Variants in LRRFIP1 observed in about 807,000 individuals in gnomAD.
LRRFIP1 encodes LRR binding FLII interacting protein 1.
Under a neutral mutation model 104.4 loss-of-function variants are expected in LRRFIP1, and 62 were observed. The observed-to-expected ratio is 0.59, with a 90% CI of 0.48 to 0.73. LRRFIP1 has a LOEUF of 0.73. Among genes scored for constraint, LRRFIP1 ranks in the 30% least tolerant of loss-of-function variants. The pLI, the probability that LRRFIP1 is intolerant of heterozygous loss-of-function variation, is 0.00. For missense variants in LRRFIP1, 796 were observed against 824.5 expected (o/e 0.97, Z 0.42); for synonymous variants, 300 against 299.0 (o/e 1.00, Z -0.03).
At position 237,763,816 on chromosome 2, in the gene LRRFIP1, A is replaced by C. The variant is rs200137214; in HGVS notation, c.1459+3611A>C. 6.4e-5 allele frequency: 103 copies of C among 1,614,190 alleles called. 1 individual carries two copies. The Middle Eastern group carries it at 1.3e-3, about 21-fold the overall frequency. ...GTGAAGAATTAGATGAAGGTGTTGCAAAAGATAATGCTAAAATAGATGGTG... is the reference window on the plus strand; with the variant it reads ...GTGAAGAATTAGATGAAGGTGTTGCCAAAGATAATGCTAAAATAGATGGTG... On this transcript the variant is annotated intron_variant, in intron 19 of 23. Transcript: ENST00000308482.
At chr2:237,714,038 C>T (rs2094221852) in intron 2 of LRRFIP1, among the ~76,000 whole-genome samples, 1 of 152,182 alleles carries the variant, frequency 6.6e-6, no homozygotes, top group Non-Finnish European at 1.5e-5. Context: ...ATTCGTGTGG[C>T]TATGCCCCTA....
intron 1 of LRRFIP1, among the ~76,000 whole-genome samples, chr2:237,668,047 T>C (rs2089747943): frequency 6.6e-6 from 1 of 151,938 alleles, no homozygotes; most frequent in African/African-American, 2.4e-5. Context: ...GACACCCCCC[T>C]TTCCCCAACA....
chr2:237,708,939 G>T lies in LRRFIP1; in HGVS notation c.183+309G>T, dbSNP rs57147904. On this transcript the variant is annotated intron_variant, in intron 2 of 23. Coordinates refer to ENST00000308482, the MANE Select transcript of LRRFIP1 (RefSeq NM_001137550.2). ...GTCTGAGCTTTAAGGTCTAACTGTT[G>T]TACTAGAATCTAGATCCTCTGGATT... Among the ~76,000 whole-genome samples the T allele has an allele frequency of 4.6e-5, 7 of 152,358 alleles. No homozygotes were observed. The South Asian group carries it at 1.4e-3, about 32-fold the overall frequency.
rs1248517048 is a variant in LRRFIP1, at chr2:237,720,822, G to A, written c.345G>A (p.Arg115=). 1.2e-6 allele frequency: 2 copies of A among 1,613,894 alleles called. No individual in the cohort carries two copies. The highest frequency in any genetic ancestry group is 4.5e-5 in the East Asian group (2 of 44,884). The change falls in exon 6 of 24, where the codon AGG becomes AGA. Residue 115 remains arginine (R), a splice_region_variant and synonymous_variant. Transcript: ENST00000308482. ...CAGTGGGTAGTCGTGGAAGCCTGAG[G>A]GTCAGTAACCAGAATGATGGAGTTT... ...RMSVGSRGSL[R]SQPDLEYGGP... is the part of the protein sequence containing the mutation.
chr2:237,725,770 T>C lies in LRRFIP1; in HGVS notation c.385-2106T>C, dbSNP rs118047675. Among the ~76,000 whole-genome samples the C allele has an allele frequency of 5.0e-4, 76 of 152,282 alleles. 4 individuals carry two copies. In the East Asian group the frequency reaches 0.014, roughly 29 times the overall value. On this transcript the variant is annotated intron_variant, in intron 7 of 23. Transcript: ENST00000308482. ...AGGCTGTAAGTGGAAAGGTGACAAATGAGAGGATACTGTCATGCTTCCAGC... is the reference window on the plus strand; with the variant it reads ...AGGCTGTAAGTGGAAAGGTGACAAACGAGAGGATACTGTCATGCTTCCAGC...
rs1421970522 is a variant in LRRFIP1, at chr2:237,755,156, G to C, written c.1039-939G>C. Among the ~76,000 whole-genome samples the C allele has an allele frequency of 2.0e-5, 3 of 152,348 alleles. No homozygotes were observed. The East Asian group carries it at 5.8e-4, about 29-fold the overall frequency. On this transcript the variant is annotated intron_variant, in intron 15 of 23. Coordinates refer to ENST00000308482, the MANE Select transcript of LRRFIP1 (RefSeq NM_001137550.2). ...GGGTCTCAGGCCGTCACCAGGGATTGCGCTGCTGTGACTGGGCAGGAACAC... is the reference window on the plus strand; with the variant it reads ...GGGTCTCAGGCCGTCACCAGGGATTCCGCTGCTGTGACTGGGCAGGAACAC...
At chr2:237,632,213 C>T (rs916619774) in intron 1 of LRRFIP1, among the ~76,000 whole-genome samples, 1 of 152,262 alleles carries the variant, frequency 6.6e-6, no homozygotes, top group Non-Finnish European at 1.5e-5. Flanking sequence ...ACACAGCCCC[C>T]AAGGACTCCA....
rs1441056648 is a variant in LRRFIP1 at position 237,733,871 on chromosome 2, C to G, written c.489+53C>G. On this transcript the variant is annotated intron_variant, in intron 9 of 23. Coordinates refer to ENST00000308482, the MANE Select transcript of LRRFIP1 (RefSeq NM_001137550.2). Reference sequence around the variant, plus strand: ...CGCACCCCCTCCCACTGTGCATGCACCGCCCCCACCAAGCCCAGAGCCGGG... The same window carrying G: ...CGCACCCCCTCCCACTGTGCATGCAGCGCCCCCACCAAGCCCAGAGCCGGG... 13 of 1,589,684 alleles carry G rather than the reference C, an allele frequency of 8.2e-6. No homozygotes were observed. The Admixed American group carries it at 2.2e-4, about 27-fold the overall frequency.
At chr2:237,770,264 G>A in intron 20 of LRRFIP1, 1 of 387,682 alleles carries the variant, frequency 2.6e-6, no homozygotes, top group South Asian at 3.9e-5. Flanking sequence ...TTACTGAATT[G>A]CTGCTTAAAA....
In LRRFIP1 at chr2:237,735,117, G is replaced by A. The variant is rs764272075; in HGVS notation, c.490-151G>A. 79 of 613,930 alleles carry A rather than the reference G, an allele frequency of 1.3e-4. No individual in the cohort carries two copies. Among genetic ancestry groups the A allele is most frequent in the Non-Finnish European group, 2.9e-5 (10 of 349,614 alleles). The allele number at this position is 613,930 out of a possible 1,614,324, so 38.0% of individuals were successfully genotyped here. A position where few individuals can be genotyped will look rare whatever the true frequency, so the allele number is the denominator to read the frequency against. The stretch of plus-strand genomic sequence containing the variant: ...GTCGCACTCTGCAACCCTTTGAAGA[G>A]CTGGAAAGGTGGTTCTCAGCCTCCC... On this transcript the variant is annotated intron_variant, in intron 9 of 23. Transcript: ENST00000308482. The surrounding 1 kb of genome is among the most constrained non-coding windows in gnomAD (Gnocchi z 4.6).
intron 7 of LRRFIP1, 58 bp from the exon 8 acceptor site, chr2:237,727,818 T>A: frequency 7.6e-7 from 1 of 1,316,398 alleles, no homozygotes; most frequent in African/African-American, 1.5e-5. Context: ...TGCTGATTTG[T>A]ACCTGTGAAT....
At chr2:237,670,528 C>T (rs1045901881) in intron 1 of LRRFIP1, among the ~76,000 whole-genome samples, 3 of 152,216 alleles carry the variant, frequency 2.0e-5, no homozygotes, top group Non-Finnish European at 4.4e-5. Context: ...CGTGCCTCAC[C>T]GAGCCTCAGT....
chr2:237,656,093 C>T (rs190742948), intron 1 of LRRFIP1, among the ~76,000 whole-genome samples: 1 of 152,254 alleles, frequency 6.6e-6, no homozygotes, highest in Non-Finnish European at 1.5e-5. Flanking sequence ...GGGGTGTCTC[C>T]TGATAGGAAT....
rs1231940840 is a variant in LRRFIP1, at chr2:237,646,353, A to G, written c.96+18613A>G. Among the ~76,000 whole-genome samples, 3 of 151,872 alleles carry G rather than the reference A, an allele frequency of 2.0e-5. 1 individual carries two copies. Among genetic ancestry groups the G allele is most frequent in the East Asian group, 1.9e-4 (1 of 5,198 alleles). On this transcript the variant is annotated intron_variant, in intron 1 of 23. Coordinates refer to ENST00000308482, the MANE Select transcript of LRRFIP1 (RefSeq NM_001137550.2). Reference sequence around the variant, plus strand: ...GGGGATTTGCTGCACAGATCATCCTATCTTCCAGGTATTAAGCCCAGCATC... The same window carrying G: ...GGGGATTTGCTGCACAGATCATCCTGTCTTCCAGGTATTAAGCCCAGCATC...
At chr2:237,773,765 T>A (rs775523383) in intron 22 of LRRFIP1, 16 of 152,358 alleles carry the variant, frequency 1.1e-4, no homozygotes, top group Admixed American at 5.2e-4. Flanking sequence ...CCATTGTGGG[T>A]GTACTTGGCT....
chr2:237,713,774 T>G (rs1166297675), intron 2 of LRRFIP1, among the ~76,000 whole-genome samples: 2 of 152,276 alleles, frequency 1.3e-5, no homozygotes, highest in African/African-American at 2.4e-5. Flanking sequence ...TATATTCTAA[T>G]GATCACTCCA....
At chr2:237,653,090 G>A (rs1336692905) in intron 1 of LRRFIP1, among the ~76,000 whole-genome samples, 1 of 152,128 alleles carries the variant, frequency 6.6e-6, no homozygotes, top group Non-Finnish European at 1.5e-5. Context: ...ATGATTGTAA[G>A]TTTCCTGAGA....
intron 1 of LRRFIP1, among the ~76,000 whole-genome samples, chr2:237,632,829 A>G (rs115816257): frequency 0.017 from 2,595 of 152,170 alleles, 71 homozygotes; most frequent in African/African-American, 0.059. Context: ...TGGGTCCCCA[A>G]TGCAGTCCCT....
intron 1 of LRRFIP1, among the ~76,000 whole-genome samples, chr2:237,675,646 T>A (rs951408097): frequency 6.6e-5 from 10 of 152,178 alleles, no homozygotes; most frequent in Non-Finnish European, 1.0e-4. Flanking sequence ...TGGAAGGAAA[T>A]GAACTTTGTT....
Sources: allele counts gnomAD v4.1 joint callset (sites outside exome capture counted in the v4.1 genomes callset), GRCh38; gene constraint gnomAD v4.1.1; non-coding constraint Gnocchi (gnomAD v3.1); transcripts MANE v1.5; gene names NCBI Gene and HGNC (gene_info 2026-07-23, HGNC 2026-07-21).